The following ADGRL3 variants were observed in gnomAD, a reference collection of about 807,000 sequenced individuals.
ADGRL3 encodes the protein calcium-independent alpha-latrotoxin receptor 3.
ADGRL3 carries 62 observed loss-of-function variants against 153.5 expected under a neutral mutation model. The ratio of observed to expected loss-of-function variants is 0.40; its 90% CI spans 0.33 to 0.50. The LOEUF is 0.50. ADGRL3 is among the 20% of genes least tolerant of loss of function. The pLI, the probability that ADGRL3 is intolerant of heterozygous loss-of-function variation, is 0.47. For missense variants in ADGRL3, 1,641 were observed against 1,859.4 expected, an observed-to-expected ratio of 0.88 and a Z score of 2.16; for synonymous variants, 710 against 672.5, an observed-to-expected ratio of 1.06 and a Z score of -0.86.
intron 1 of ADGRL3, among the ~76,000 whole-genome samples, chr4:61,291,979 AT>A (rs1380014537): frequency 2.0e-5 from 3 of 150,588 alleles, no homozygotes; most frequent in South Asian, 4.2e-4. Flanking sequence ...TTAAACAATG[AT>A]TTTTTAAAAA....
chr4:62,003,149 G>A (rs755078282), intron 21 of ADGRL3, among the ~76,000 whole-genome samples: 9 of 152,070 alleles, frequency 5.9e-5, no homozygotes, highest in African/African-American at 9.7e-5. Flanking sequence ...AAGGGAACAC[G>A]GAATCTACCA....
chr4:61,565,089 A>T lies in ADGRL3; in HGVS notation c.260-22138A>T, dbSNP rs576062068. On this transcript the variant is annotated intron_variant, in intron 4 of 26. Coordinates refer to ENST00000683033, the MANE Select transcript of ADGRL3 (RefSeq NM_001387552.1). ...TGTGACAGAGACAGGTAGTGAGCAC[A>T]TGCCATTGGAAAAATGGCACCAATA... Among the ~76,000 whole-genome samples, 136 of 152,332 alleles carry T rather than the reference A, an allele frequency of 8.9e-4. 1 individual carries two copies. Among genetic ancestry groups the T allele is most frequent in the African/African-American group, 3.0e-3 (126 of 41,580 alleles).
chr4:61,446,401 A>G (rs1332054497), intron 2 of ADGRL3, among the ~76,000 whole-genome samples: 3 of 152,124 alleles, frequency 2.0e-5, no homozygotes, highest in African/African-American at 7.2e-5. Context: ...TTCTTATGTG[A>G]TGGTATTAAT....
At chr4:61,747,708 C>G (rs1354235020) in intron 8 of ADGRL3, among the ~76,000 whole-genome samples, 1 of 147,494 alleles carries the variant, frequency 6.8e-6, no homozygotes, top group Non-Finnish European at 1.5e-5. Context: ...GGACGTATCT[C>G]AAAATAATAA....
At position 61,753,938 on chromosome 4, in the gene ADGRL3, A is replaced by G. The variant is rs538010936; in HGVS notation, c.1399+20384A>G. On this transcript the variant is annotated intron_variant, in intron 8 of 26. Coordinates refer to ENST00000683033, the MANE Select transcript of ADGRL3 (RefSeq NM_001387552.1). Reference sequence around the variant, plus strand: ...AGGATACCAAGCCAATGGACTTGCCATCAGTCTTTGCCTGTGGCACCTATA... The same window carrying G: ...AGGATACCAAGCCAATGGACTTGCCGTCAGTCTTTGCCTGTGGCACCTATA... 5.3e-5 allele frequency among the ~76,000 whole-genome samples: 8 copies of G among 152,324 alleles called. No homozygotes were observed. The South Asian group carries it at 1.4e-3, about 28-fold the overall frequency.
At chr4:61,984,552 G>T (rs1158332606) in intron 19 of ADGRL3, among the ~76,000 whole-genome samples, 1 of 152,150 alleles carries the variant, frequency 6.6e-6, no homozygotes, top group African/African-American at 2.4e-5. Context: ...GGATGACAGA[G>T]TGAGAACTCA....
chr4:61,901,417 G>T (rs182827820), intron 11 of ADGRL3, among the ~76,000 whole-genome samples: 1 of 152,150 alleles, frequency 6.6e-6, no homozygotes, highest in African/African-American at 2.4e-5. Flanking sequence ...GTTGAATCCT[G>T]TCTCCTATAT....
At chr4:61,435,105 A>G (rs2097428550) in intron 2 of ADGRL3, among the ~76,000 whole-genome samples, 1 of 152,092 alleles carries the variant, frequency 6.6e-6, no homozygotes, top group African/African-American at 2.4e-5. Flanking sequence ...CAATTTTGGT[A>G]TGCTGTGTGT....
intron 20 of ADGRL3, among the ~76,000 whole-genome samples, chr4:61,997,965 A>G (rs777033825): frequency 6.6e-6 from 1 of 152,210 alleles, no homozygotes; most frequent in East Asian, 1.9e-4. Context: ...CATAGCAGGC[A>G]TAGTAGTGCT....
intron 2 of ADGRL3, among the ~76,000 whole-genome samples, chr4:61,472,507 C>G (rs1406685059): frequency 1.3e-5 from 2 of 151,954 alleles, no homozygotes; most frequent in Admixed American, 1.3e-4. Flanking sequence ...CAGAGTAAAC[C>G]ATACAAAAAA....
At chr4:61,749,989 A>T (rs1040652232) in intron 8 of ADGRL3, among the ~76,000 whole-genome samples, 3 of 152,106 alleles carry the variant, frequency 2.0e-5, no homozygotes, top group Admixed American at 1.3e-4. Flanking sequence ...AAGATGAATG[A>T]TTCATTGATT....
At chr4:61,449,364 T>G (rs186338973) in intron 2 of ADGRL3, among the ~76,000 whole-genome samples, 1,554 of 152,060 alleles carry the variant, frequency 0.01, 11 homozygotes, top group Non-Finnish European at 0.015. Context: ...CTCGATTTCC[T>G]GACCTCGTAA....
intron 1 of ADGRL3, among the ~76,000 whole-genome samples, chr4:61,217,569 C>T (rs982354604): frequency 6.6e-6 from 1 of 152,136 alleles, no homozygotes; most frequent in African/African-American, 2.4e-5. Context: ...TATCACTTGT[C>T]TAGCTTTAAT....
intron 1 of ADGRL3, among the ~76,000 whole-genome samples, chr4:61,325,227 G>A (rs540305841): frequency 1.3e-5 from 2 of 152,152 alleles, no homozygotes; most frequent in South Asian, 2.1e-4. Flanking sequence ...CAGGAGAATC[G>A]CTTGAACCAG....
intron 4 of ADGRL3, among the ~76,000 whole-genome samples, chr4:61,547,403 C>G (rs2098718877): frequency 6.6e-6 from 1 of 151,858 alleles, no homozygotes. Context: ...GGTAGTTTTT[C>G]AATCCTCACC....
In ADGRL3 at chr4:61,934,908, G is replaced by A. The variant is rs10013832; in HGVS notation, c.2181G>A (p.Thr727=). The A allele has an allele frequency of 3.2e-3, 5,135 of 1,613,772 alleles. 142 individuals carry two copies. The African/African-American group carries it at 0.062, about 19-fold the overall frequency. ...TGAATGCATGGAGAGACCTGACTAC[G>A]AGTGATCAGCTGCGTGCGGCCACCA... ...QALNAWRDLT[T]SDQLRAATML... is the part of the protein sequence containing the mutation. The change falls in exon 14 of 27, where the codon ACG becomes ACA. Residue 727 remains threonine, a synonymous_variant. Transcript: ENST00000683033.
intron 2 of ADGRL3, among the ~76,000 whole-genome samples, chr4:61,469,001 G>A (rs984734954): frequency 2.6e-5 from 4 of 152,030 alleles, no homozygotes; most frequent in African/African-American, 9.7e-5. Flanking sequence ...GCTCTAGACT[G>A]TACGCTCTAC....
intron 5 of ADGRL3, among the ~76,000 whole-genome samples, chr4:61,675,629 T>C (rs2095161955): frequency 7.4e-6 from 1 of 135,894 alleles, no homozygotes; most frequent in African/African-American, 2.7e-5. Flanking sequence ...TTTTTTTTCC[T>C]ATGGCTTAGA....
At chr4:62,013,170 G>A (rs1356134672) in intron 21 of ADGRL3, among the ~76,000 whole-genome samples, 1 of 152,062 alleles carries the variant, frequency 6.6e-6, no homozygotes. Flanking sequence ...TTCCTGATGG[G>A]GAACGGGAAA....
Sources: gnomAD v4.1 joint callset for allele counts (sites outside exome capture counted in the v4.1 genomes callset) on GRCh38, gnomAD v4.1.1 for gene constraint, MANE v1.5 for transcripts, NCBI Gene and HGNC (gene_info 2026-07-23, HGNC 2026-07-21) for gene names.